Variants in STPG2 observed in about 807,000 individuals in gnomAD.
STPG2 encodes the protein sperm tail PG-rich repeat containing 2.
A neutral mutation model predicts 54.2 loss-of-function variants in STPG2; 56 were observed. That is an observed-to-expected ratio of 1.03 (90% CI 0.83 to 1.29). The LOEUF (loss-of-function observed/expected upper bound fraction) is 1.29. Among genes scored for constraint, STPG2 ranks in the 50% most tolerant of loss-of-function variants. The pLI is 0.00. For missense variants in STPG2, 596 were observed against 544.9 expected, an observed-to-expected ratio of 1.09 and a Z score of -0.93; for synonymous variants, 200 against 181.8, an observed-to-expected ratio of 1.10 and a Z score of -0.81.
chr4:97,621,379 T>A (rs1302171156), intron 10 of STPG2, among the ~76,000 whole-genome samples: 1 of 152,046 alleles, frequency 6.6e-6, no homozygotes, highest in African/African-American at 2.4e-5. Flanking sequence ...TTACTAAGAT[T>A]GACAGACCAC....
At chr4:97,737,207 C>T (rs1370912775) in intron 9 of STPG2, among the ~76,000 whole-genome samples, 1 of 152,200 alleles carries the variant, frequency 6.6e-6, no homozygotes, top group African/African-American at 2.4e-5. Context: ...AAAACCCCAT[C>T]TGTATGTCAC....
At chr4:97,521,767 T>C (rs1731184625) in intron 4 of STPG2, among the ~76,000 whole-genome samples, 1 of 151,772 alleles carries the variant, frequency 6.6e-6, no homozygotes, top group African/African-American at 2.4e-5. Flanking sequence ...TAAAGAAAAA[T>C]ATCTTCCATG....
At chr4:98,048,078 A>G (rs1356945438) in intron 5 of STPG2, among the ~76,000 whole-genome samples, 1 of 137,134 alleles carries the variant, frequency 7.3e-6, no homozygotes, top group South Asian at 2.4e-4. Context: ...CTCAGATGCT[A>G]GGGACAAAAG....
chr4:97,601,571 T>G (rs1033250750), intron 10 of STPG2, among the ~76,000 whole-genome samples: 4 of 151,936 alleles, frequency 2.6e-5, no homozygotes, highest in Non-Finnish European at 4.4e-5. Flanking sequence ...GACTTATATT[T>G]AAGTCTTTAA....
In STPG2 at chr4:97,959,085, C is replaced by T. The variant is rs573728721; in HGVS notation, c.933+13195G>A. On this transcript the variant is annotated intron_variant, in intron 7 of 10. Coordinates refer to ENST00000295268, the MANE Select transcript of STPG2 (RefSeq NM_174952.3). ...TCTAAAAGGAACCTTCAAAATCATGCAAATAGAGGGAAATTAAATAATATG... is the reference window on the plus strand; with the variant it reads ...TCTAAAAGGAACCTTCAAAATCATGTAAATAGAGGGAAATTAAATAATATG... Among the ~76,000 whole-genome samples, 3 of 152,126 alleles carry T rather than the reference C, an allele frequency of 2.0e-5. No individual in the cohort carries two copies. In the South Asian group the frequency reaches 6.2e-4, roughly 32 times the overall value.
intron 9 of STPG2, among the ~76,000 whole-genome samples, chr4:97,776,085 C>A (rs551725501): frequency 6.6e-6 from 1 of 152,162 alleles, no homozygotes; most frequent in Non-Finnish European, 1.5e-5. Context: ...TTAAAATATG[C>A]AAAATATCAT....
intron 2 of STPG2, among the ~76,000 whole-genome samples, chr4:98,131,581 T>G (rs1053528293): frequency 2.6e-5 from 4 of 152,172 alleles, no homozygotes; most frequent in African/African-American, 7.2e-5. Flanking sequence ...GATTAAAATG[T>G]AATATGAGCT....
intron 4 of STPG2, among the ~76,000 whole-genome samples, chr4:97,533,966 TA>T (rs1270624657): frequency 6.6e-6 from 1 of 152,140 alleles, no homozygotes; most frequent in African/African-American, 2.4e-5. Flanking sequence ...TATTTTTTAT[TA>T]AGTAGAAACT....
intron 9 of STPG2, among the ~76,000 whole-genome samples, chr4:97,797,778 G>A (rs1176073036): frequency 6.6e-6 from 1 of 152,118 alleles, no homozygotes; most frequent in Admixed American, 6.5e-5. Flanking sequence ...GCTCCTCCTT[G>A]TACCTTTGGT....
intron 10 of STPG2, among the ~76,000 whole-genome samples, chr4:97,630,400 G>A (rs1040431374): frequency 2.0e-5 from 3 of 151,692 alleles, no homozygotes; most frequent in African/African-American, 7.2e-5. Context: ...ATACAATGTA[G>A]CAAAGATGAA....
chr4:97,934,430 T>A (rs541179446), intron 8 of STPG2, among the ~76,000 whole-genome samples: 1 of 152,196 alleles, frequency 6.6e-6, no homozygotes, highest in East Asian at 1.9e-4. Flanking sequence ...GGCATCCTCA[T>A]CTTATGCCAG....
chr4:97,555,149 C>T (rs1268226602), downstream of STPG2, among the ~76,000 whole-genome samples: 1 of 152,120 alleles, frequency 6.6e-6, no homozygotes, highest in Non-Finnish European at 1.5e-5. Context: ...TTCTGGCATG[C>T]TTGTCTTAAC....
At chr4:97,706,269 A>G (rs1249616072) in intron 10 of STPG2, among the ~76,000 whole-genome samples, 1 of 152,162 alleles carries the variant, frequency 6.6e-6, no homozygotes, top group Non-Finnish European at 1.5e-5. Context: ...TATAGAGACT[A>G]ATGCCCTAAA....
intron 8 of STPG2, among the ~76,000 whole-genome samples, chr4:97,931,455 C>T (rs939112768): frequency 1.3e-5 from 2 of 151,998 alleles, no homozygotes; most frequent in Non-Finnish European, 2.9e-5. Context: ...TGGTTTTTGT[C>T]TCTAGTTTGG....
chr4:97,905,293 G>C (rs921474554), intron 8 of STPG2, among the ~76,000 whole-genome samples: 2 of 152,106 alleles, frequency 1.3e-5, no homozygotes, highest in Non-Finnish European at 2.9e-5. Context: ...GACAGTGGGG[G>C]CCAATATTCA....
chr4:97,843,173 TG>T (rs1453837055), intron 8 of STPG2, among the ~76,000 whole-genome samples: 13 of 151,736 alleles, frequency 8.6e-5, no homozygotes, highest in African/African-American at 2.9e-4. Context: ...GGTTTTTTGG[TG>T]GTTTTTTTTT....
At chr4:97,445,883 G>A (rs1729210020) in intron 4 of STPG2, among the ~76,000 whole-genome samples, 1 of 152,116 alleles carries the variant, frequency 6.6e-6, no homozygotes, top group African/African-American at 2.4e-5. Context: ...GCCAATTAAT[G>A]GTGTGGATAC....
At chr4:97,948,577 G>C (rs1213631388) in intron 7 of STPG2, among the ~76,000 whole-genome samples, 2 of 152,026 alleles carry the variant, frequency 1.3e-5, no homozygotes, top group African/African-American at 2.4e-5. Flanking sequence ...TCTTAGCACT[G>C]CATTTGCTGT....
intron 4 of STPG2, among the ~76,000 whole-genome samples, chr4:97,466,543 T>C (rs1729793004): frequency 6.6e-6 from 1 of 152,058 alleles, no homozygotes; most frequent in South Asian, 2.1e-4. Flanking sequence ...TTATCTGTGG[T>C]ATTTACTAAT....
Sources: allele counts gnomAD v4.1 joint callset (sites outside exome capture counted in the v4.1 genomes callset), GRCh38; gene constraint gnomAD v4.1.1; transcripts MANE v1.5; gene names NCBI Gene and HGNC (gene_info 2026-07-23, HGNC 2026-07-21).